CHST11: variants seen among roughly 807,000 people sequenced by gnomAD.
CHST11 encodes the protein C4S-1.
Under a neutral mutation model 30.4 loss-of-function variants are expected in CHST11, and 9 were observed. The ratio of observed to expected loss-of-function variants is 0.30; its 90% CI spans 0.18 to 0.52. The LOEUF (loss-of-function observed/expected upper bound fraction) is 0.52, where lower values mean the gene tolerates loss of function less well. Among genes scored for constraint, CHST11 ranks in the 20% least tolerant of loss-of-function variants. The pLI is 0.97. For missense variants in CHST11, 348 were observed against 460.6 expected (o/e 0.76, Z 2.24); for synonymous variants, 152 against 187.8 (o/e 0.81, Z 1.56).
At chr12:104,516,777 C>T (rs570579163) in intron 1 of CHST11, among the ~76,000 whole-genome samples, 7 of 151,946 alleles carry the variant, frequency 4.6e-5, no homozygotes, top group Admixed American at 1.3e-4. Context: ...TAAAGAGGAA[C>T]GGAAGCTCAG....
chr12:104,543,307 T>C (rs921145862), intron 1 of CHST11, among the ~76,000 whole-genome samples: 2 of 152,318 alleles, frequency 1.3e-5, no homozygotes, highest in African/African-American at 4.8e-5. Context: ...CACCTCCCCC[T>C]AGGCCCACGC....
At chr12:104,534,959 AT>A (rs1293379817) in intron 1 of CHST11, among the ~76,000 whole-genome samples, 7 of 152,198 alleles carry the variant, frequency 4.6e-5, no homozygotes, top group Non-Finnish European at 1.0e-4. Flanking sequence ...TGAATTATAC[AT>A]TTTTTAAAAA....
At chr12:104,654,005 T>TA (rs1199336273) in intron 2 of CHST11, among the ~76,000 whole-genome samples, 4 of 152,260 alleles carry the variant, frequency 2.6e-5, no homozygotes, top group African/African-American at 9.6e-5. Context: ...AAGCCGTAGA[T>TA]ATGTGGTTGG....
intron 2 of CHST11, among the ~76,000 whole-genome samples, chr12:104,686,182 T>C (rs1246252672): frequency 7.1e-6 from 1 of 141,024 alleles, no homozygotes; most frequent in Non-Finnish European, 1.5e-5. Flanking sequence ...TAGTGAACTA[T>C]GGTCCCACCA....
intron 2 of CHST11, among the ~76,000 whole-genome samples, chr12:104,658,842 A>G (rs1194817242): frequency 6.6e-6 from 1 of 152,244 alleles, no homozygotes; most frequent in Non-Finnish European, 1.5e-5. Flanking sequence ...CCCTTGAAAT[A>G]GGCTCTATTG....
chr12:104,583,004 T>C (rs1179425222), intron 1 of CHST11, among the ~76,000 whole-genome samples: 2 of 151,962 alleles, frequency 1.3e-5, no homozygotes, highest in Admixed American at 6.5e-5. Context: ...CACCTTATTG[T>C]CTTACAGCTT....
At chr12:104,467,858 A>G (rs1459203713) in intron 1 of CHST11, among the ~76,000 whole-genome samples, 1 of 152,202 alleles carries the variant, frequency 6.6e-6, no homozygotes, top group African/African-American at 2.4e-5. Context: ...CTTTAATATC[A>G]TTGCATAAGG....
chr12:104,691,131 G>A (rs193266617), intron 2 of CHST11, among the ~76,000 whole-genome samples: 2 of 152,316 alleles, frequency 1.3e-5, no homozygotes, highest in Admixed American at 1.3e-4. Flanking sequence ...AGAACAGATG[G>A]CCTTAGACAG....
intron 1 of CHST11, among the ~76,000 whole-genome samples, chr12:104,482,961 C>A (rs548788632): frequency 6.6e-6 from 1 of 152,152 alleles, no homozygotes; most frequent in Admixed American, 6.5e-5. Flanking sequence ...AGAAAGTCAT[C>A]CTGTCTGAAA....
At chr12:104,704,080 C>T (rs1046778365) in intron 2 of CHST11, among the ~76,000 whole-genome samples, 4 of 152,164 alleles carry the variant, frequency 2.6e-5, no homozygotes, top group South Asian at 2.1e-4. Flanking sequence ...GTCAAACGTT[C>T]GTCGAACGGA....
intron 2 of CHST11, among the ~76,000 whole-genome samples, chr12:104,605,920 C>T (rs565103553): frequency 2.0e-5 from 3 of 152,288 alleles, no homozygotes; most frequent in African/African-American, 7.2e-5. Context: ...CGTGGGTTCC[C>T]TGAAATCTTC....
chr12:104,493,245 G>A (rs970551475), intron 1 of CHST11, among the ~76,000 whole-genome samples: 6 of 152,232 alleles, frequency 3.9e-5, no homozygotes, highest in African/African-American at 1.4e-4. Context: ...ATTCAGGCAG[G>A]AGCCGCTGAT....
At chr12:104,641,954 C>T (rs2136075212) in intron 2 of CHST11, among the ~76,000 whole-genome samples, 1 of 152,298 alleles carries the variant, frequency 6.6e-6, no homozygotes, top group South Asian at 2.1e-4. Context: ...TTGGCAACAT[C>T]CGAAGATAGT....
At chr12:104,719,503 A>C (rs748604451) in intron 2 of CHST11, among the ~76,000 whole-genome samples, 13 of 152,216 alleles carry the variant, frequency 8.5e-5, no homozygotes, top group Non-Finnish European at 1.6e-4. Flanking sequence ...CTGCAGTCCG[A>C]CAGAAACATA....
rs951331698 is a variant in CHST11 at position 104,676,654 on chromosome 12, C to T, written c.204+74663C>T. Among the ~76,000 whole-genome samples, 7 of 152,214 alleles carry T rather than the reference C, an allele frequency of 4.6e-5. No homozygotes were observed. Among genetic ancestry groups the T allele is most frequent in the East Asian group, 1.9e-4 (1 of 5,188 alleles). On this transcript the variant is annotated intron_variant, in intron 2 of 2. Coordinates refer to ENST00000303694, the MANE Select transcript of CHST11 (RefSeq NM_018413.6). This position sits in a 1 kb window ranked among gnomAD's most constrained non-coding sequence, Gnocchi z 4.4. ...GGTCTCGATCTCCTGACCTTGTGATCGGCCTCCCAAAGTGTTGGGATTACA... is the reference window on the plus strand; with the variant it reads ...GGTCTCGATCTCCTGACCTTGTGATTGGCCTCCCAAAGTGTTGGGATTACA...
chr12:104,472,000 A>G (rs1404773791), intron 1 of CHST11, among the ~76,000 whole-genome samples: 1 of 151,658 alleles, frequency 6.6e-6, no homozygotes, highest in Non-Finnish European at 1.5e-5. Context: ...TTGCTCTGTC[A>G]CCCAGGCTGG....
intron 2 of CHST11, among the ~76,000 whole-genome samples, chr12:104,664,243 T>C (rs1406544066): frequency 3.3e-5 from 5 of 152,276 alleles, no homozygotes; most frequent in East Asian, 1.9e-4. Context: ...GGCGGGAACA[T>C]TTTTAAAAAG....
intron 2 of CHST11, among the ~76,000 whole-genome samples, chr12:104,755,330 C>G (rs2040465959): frequency 6.6e-6 from 1 of 152,172 alleles, no homozygotes; most frequent in South Asian, 2.1e-4. Flanking sequence ...GACTCTGGGG[C>G]TCCGAGTCCC....
chr12:104,703,385 T>TA (rs1482885902), intron 2 of CHST11, among the ~76,000 whole-genome samples: 2 of 152,140 alleles, frequency 1.3e-5, no homozygotes, highest in East Asian at 3.8e-4. Context: ...CTTTTCAGGG[T>TA]AAAATCCTCA....
Sources: gnomAD v4.1 joint callset for allele counts (sites outside exome capture counted in the v4.1 genomes callset) on GRCh38, gnomAD v4.1.1 for gene constraint, Gnocchi (gnomAD v3.1) non-coding constraint, MANE v1.5 for transcripts, NCBI Gene and HGNC (gene_info 2026-07-23, HGNC 2026-07-21) for gene names.